The following ZNF469 variants were observed in gnomAD, a reference collection of about 807,000 sequenced individuals.
ZNF469 encodes the protein zinc finger protein 469.
In ZNF469, 1 loss-of-function variant was observed where a neutral mutation model predicts 1.0. The ratio of observed to expected loss-of-function variants is 1.00; its 90% CI spans 0.35 to 4.73. ZNF469 has a LOEUF of 4.73. Ranked by LOEUF, ZNF469 falls within the 30% of genes most tolerant of loss-of-function variation. The probability of loss-of-function intolerance (pLI) is 0.16; values close to 1 mark genes in which losing one functional copy is unlikely to be tolerated. For missense variants in ZNF469, 6,100 were observed against 5,356.3 expected, an observed-to-expected ratio of 1.14 and a Z score of -4.33; for synonymous variants, 2,703 against 2,363.4, an observed-to-expected ratio of 1.14 and a Z score of -4.17.
chr16:88,336,022 G>C, the ZNF469 span, among the ~76,000 whole-genome samples: 1 of 151,886 alleles, frequency 6.6e-6, no homozygotes, highest in African/African-American at 2.4e-5. Flanking sequence ...TCCTTCATGT[G>C]AGACAGTGAT....
chr16:88,284,702 A>G, the ZNF469 span, among the ~76,000 whole-genome samples: 2 of 151,792 alleles, frequency 1.3e-5, no homozygotes, highest in Non-Finnish European at 2.9e-5. Flanking sequence ...CCTCCCAAGG[A>G]GAGCAGCAGG....
chr16:88,325,991 C>T, the ZNF469 span, among the ~76,000 whole-genome samples: 1 of 152,238 alleles, frequency 6.6e-6, no homozygotes, highest in Admixed American at 6.5e-5. Flanking sequence ...GGCCACTGTG[C>T]CTGTGATTGC....
At position 88,431,270 on chromosome 16, in the gene ZNF469, A is replaced by C. The variant is rs1486198719; in HGVS notation, c.3800A>C (p.Gln1267Pro). 6.5e-7 allele frequency: 1 copy of C among 1,550,228 alleles called. No homozygotes were observed. Among genetic ancestry groups the C allele is most frequent in the Admixed American group, 2.0e-5 (1 of 50,998 alleles). The change falls in exon 3 of 3, where the codon CAG becomes CCG. Residue 1267 changes from glutamine (Q) to proline (P), a missense_variant. By Grantham distance (76) the Gln-to-Pro change is moderately conservative. Coordinates refer to ENST00000565624, the MANE Select transcript of ZNF469 (RefSeq NM_001367624.2). ...AGCCCCGGTCTCCTGATACCAGAGC[A>C]GCCGCCGCCCAGCAGACATGACACC... The part of the protein sequence containing the change: ...GASPGLLIPE[Q>P]PPPSRHDTGT...
At chr16:88,107,471 G>C in the ZNF469 span, among the ~76,000 whole-genome samples, 3 of 152,212 alleles carry the variant, frequency 2.0e-5, no homozygotes, top group South Asian at 6.2e-4. Flanking sequence ...GAACTGCCCC[G>C]TGATTCAGTC....
At chr16:88,127,846 G>A in the ZNF469 span, among the ~76,000 whole-genome samples, 1 of 152,208 alleles carries the variant, frequency 6.6e-6, no homozygotes, top group Non-Finnish European at 1.5e-5. Context: ...ATTTCCAGAG[G>A]GTTTTGCTGT....
the ZNF469 span, among the ~76,000 whole-genome samples, chr16:88,251,021 G>A: frequency 6.6e-6 from 1 of 152,130 alleles, no homozygotes; most frequent in Non-Finnish European, 1.5e-5. Flanking sequence ...GGGACTACAG[G>A]CACCTGCCAA....
the ZNF469 span, among the ~76,000 whole-genome samples, chr16:88,337,786 C>T: frequency 6.6e-5 from 10 of 152,188 alleles, no homozygotes; most frequent in Non-Finnish European, 1.3e-4. Context: ...TCTCCATGTG[C>T]GTTGGAGAAG....
intron 1 of ZNF469, among the ~76,000 whole-genome samples, chr16:88,406,096 G>C (rs1310031714): frequency 6.6e-6 from 1 of 152,204 alleles, no homozygotes; most frequent in East Asian, 1.9e-4. Context: ...GCCCGGAGCC[G>C]ACCACGCCAC....
At chr16:88,324,780 G>A in the ZNF469 span, among the ~76,000 whole-genome samples, 18 of 152,338 alleles carry the variant, frequency 1.2e-4, no homozygotes, top group African/African-American at 2.9e-4. Context: ...TCATGGTGCC[G>A]GTGGGTGTGT....
At chr16:88,115,535 A>G in the ZNF469 span, among the ~76,000 whole-genome samples, 3 of 151,776 alleles carry the variant, frequency 2.0e-5, no homozygotes, top group Non-Finnish European at 2.9e-5. Context: ...GGGCTCCGCT[A>G]AAAATATGCA....
intron 1 of ZNF469, among the ~76,000 whole-genome samples, chr16:88,393,444 G>A (rs955174770): frequency 2.0e-5 from 3 of 152,252 alleles, no homozygotes; most frequent in African/African-American, 7.2e-5. Flanking sequence ...CCGGTGCCTG[G>A]GGAATAATTA....
In ZNF469 at chr16:88,428,535, C is replaced by G. The variant is rs748505843; in HGVS notation, c.1065C>G (p.Leu355=). The stretch of plus-strand genomic sequence containing the variant: ...GCCACAGCGACCTCAGTGGTGCCCT[C>G]TCTTCCCCTGGAGCTGCTCACTCGG... ...LNRHSDLSGA[L]SSPGAAHSAP... Residue 355 remains leucine (L), a synonymous_variant, in exon 3 of 3, where the codon CTC becomes CTG. Transcript: ENST00000565624. 1.5e-5 allele frequency: 24 copies of G among 1,549,982 alleles called. No individual in the cohort carries two copies. The highest frequency in any genetic ancestry group is 7.1e-5 in the South Asian group (6 of 84,068).
the ZNF469 span, among the ~76,000 whole-genome samples, chr16:88,327,102 T>C: frequency 2.4e-3 from 361 of 152,294 alleles, 1 homozygote; most frequent in African/African-American, 7.7e-3. Flanking sequence ...GAAGCGCCAC[T>C]CTGGACCCCA....
At chr16:88,329,912 G>A in the ZNF469 span, among the ~76,000 whole-genome samples, 4 of 152,302 alleles carry the variant, frequency 2.6e-5, no homozygotes, top group South Asian at 2.1e-4. Flanking sequence ...CACCACGGGC[G>A]CCCACAGGCG....
chr16:88,164,999 G>A, the ZNF469 span, among the ~76,000 whole-genome samples: 1 of 152,222 alleles, frequency 6.6e-6, no homozygotes, highest in East Asian at 1.9e-4. Flanking sequence ...GGGCTCGTGT[G>A]TCTTTTATCC....
the ZNF469 span, among the ~76,000 whole-genome samples, chr16:88,157,633 T>C: frequency 5.3e-5 from 8 of 151,926 alleles, no homozygotes; most frequent in African/African-American, 1.9e-4. Context: ...GGAAGTGCCA[T>C]AGCAGATGGA....
chr16:88,419,063 C>T (rs1293195673), intron 1 of ZNF469, among the ~76,000 whole-genome samples: 10 of 152,294 alleles, frequency 6.6e-5, no homozygotes, highest in African/African-American at 2.2e-4. Context: ...GGATGAAGGC[C>T]GGGGCACAGC....
At chr16:88,148,685 G>T in the ZNF469 span, among the ~76,000 whole-genome samples, 1 of 152,172 alleles carries the variant, frequency 6.6e-6, no homozygotes, top group African/African-American at 2.4e-5. Flanking sequence ...CTCCCTCTGG[G>T]CTTGGCAACC....
intron 1 of ZNF469, among the ~76,000 whole-genome samples, chr16:88,393,249 C>A (rs1904539120): frequency 1.3e-5 from 2 of 152,280 alleles, no homozygotes; most frequent in Non-Finnish European, 2.9e-5. Context: ...CCGTGCCCGG[C>A]CAAGCGGTCA....
Sources: gnomAD v4.1 joint callset for allele counts (sites outside exome capture counted in the v4.1 genomes callset) on GRCh38, gnomAD v4.1.1 for gene constraint, MANE v1.5 for transcripts, NCBI Gene and HGNC (gene_info 2026-07-23, HGNC 2026-07-21) for gene names.